Variants in PMF1 observed in about 807,000 individuals in gnomAD.
PMF1 encodes the protein polyamine-modulated factor 1.
In PMF1, 21 loss-of-function variants were observed where a neutral mutation model predicts 26.7. The observed-to-expected ratio is 0.79, with a 90% CI of 0.56 to 1.13. The LOEUF (loss-of-function observed/expected upper bound fraction) is 1.13, where lower values mean the gene tolerates loss of function less well. PMF1 is among the 50% of genes most tolerant of loss of function. The probability of loss-of-function intolerance (pLI) is 0.00; values close to 1 mark genes in which losing one functional copy is unlikely to be tolerated. For missense variants in PMF1, 266 were observed against 254.9 expected (o/e 1.04, Z -0.30); for synonymous variants, 105 against 101.0 (o/e 1.04, Z -0.24).
chr1:156,217,597 C>T (rs1657841342), intron 1 of PMF1, among the ~76,000 whole-genome samples: 1 of 151,938 alleles, frequency 6.6e-6, no homozygotes, highest in Non-Finnish European at 1.5e-5. Flanking sequence ...GTCATAATGC[C>T]CACCAGTAAT....
intron 1 of PMF1, among the ~76,000 whole-genome samples, chr1:156,222,433 A>G (rs1337620196): frequency 1.3e-5 from 2 of 151,890 alleles, no homozygotes; most frequent in Non-Finnish European, 2.9e-5. Context: ...CCCAGGCTGG[A>G]GTGCAATGGC....
At chr1:156,216,896 T>C (rs1657781858) in intron 1 of PMF1, among the ~76,000 whole-genome samples, 1 of 151,986 alleles carries the variant, frequency 6.6e-6, no homozygotes, top group Non-Finnish European at 1.5e-5. Context: ...TGGAATACTA[T>C]GCAGCCATAA....
chr1:156,221,912 C>G (rs771138211), intron 1 of PMF1, among the ~76,000 whole-genome samples: 1 of 152,208 alleles, frequency 6.6e-6, no homozygotes, highest in Non-Finnish European at 1.5e-5. Flanking sequence ...CTCCTCCTTT[C>G]CATCCTTGCT....
chr1:156,218,501 G>T (rs1657899280), intron 1 of PMF1, among the ~76,000 whole-genome samples: 1 of 152,112 alleles, frequency 6.6e-6, no homozygotes, highest in Non-Finnish European at 1.5e-5. Context: ...CCAGATATAG[G>T]CCAGGCGCAG....
chr1:156,238,593 C>T (rs1037863865), intron 4 of PMF1, among the ~76,000 whole-genome samples: 3 of 152,248 alleles, frequency 2.0e-5, no homozygotes, highest in Non-Finnish European at 4.4e-5. Flanking sequence ...TGTACATCTA[C>T]TTATAGCCAC....
In PMF1 at chr1:156,218,915, A is replaced by AT. The variant is rs146823803; in HGVS notation, c.161+5748dup. ...CTTTTGGGGTCTTGTTTATTTTTTTATTTTTTTTTAATTATTATTTTTTGA... is the reference window on the plus strand; with the variant it reads ...CTTTTGGGGTCTTGTTTATTTTTTTATTTTTTTTTTAATTATTATTTTTTGA... On this transcript the variant is annotated intron_variant, in intron 1 of 4. Transcript: ENST00000368277. Among the ~76,000 whole-genome samples the AT allele has an allele frequency of 2.1e-3, 292 of 142,064 alleles. No homozygotes were observed. In the South Asian group the frequency reaches 0.024, roughly 12 times the overall value. The allele number at this position is 142,064 out of a possible 152,430, so 93.2% of individuals were successfully genotyped here.
chr1:156,230,800 C>G (rs1443317540), intron 1 of PMF1, among the ~76,000 whole-genome samples: 1 of 152,066 alleles, frequency 6.6e-6, no homozygotes, highest in Non-Finnish European at 1.5e-5. Context: ...GATGGCTCAC[C>G]CCTAGACTCC....
chr1:156,236,676 C>T, intron 4 of PMF1, 193 bp downstream of exon 4: 1 of 710,032 alleles, frequency 1.4e-6, no homozygotes, highest in Non-Finnish European at 2.3e-6. Context: ...CAGACAGTCT[C>T]CCCCAGATCC....
intron 1 of PMF1, among the ~76,000 whole-genome samples, chr1:156,219,119 A>G (rs909050568): frequency 1.3e-5 from 2 of 151,482 alleles, no homozygotes; most frequent in Non-Finnish European, 1.5e-5. Context: ...GGGTTTCACC[A>G]TTTTGGCCAG....
chr1:156,237,980 CT>C, intron 4 of PMF1, among the ~76,000 whole-genome samples: 1 of 152,166 alleles, frequency 6.6e-6, no homozygotes, highest in Non-Finnish European at 1.5e-5. Context: ...GTTGGCCAGG[CT>C]GGTCTTGAAC....
At chr1:156,215,941 G>A (rs931179074) in intron 1 of PMF1, among the ~76,000 whole-genome samples, 1 of 151,998 alleles carries the variant, frequency 6.6e-6, no homozygotes, top group Non-Finnish European at 1.5e-5. Flanking sequence ...CGCCTGCCTC[G>A]GCCACTTATT....
At chr1:156,213,831 T>C (rs1372345706) in intron 1 of PMF1, among the ~76,000 whole-genome samples, 1 of 152,228 alleles carries the variant, frequency 6.6e-6, no homozygotes, top group African/African-American at 2.4e-5. Context: ...TATGAGAATA[T>C]CTTCTTCACT....
intron 1 of PMF1, among the ~76,000 whole-genome samples, chr1:156,222,703 G>A (rs1049817426): frequency 2.0e-5 from 3 of 152,148 alleles, no homozygotes; most frequent in Non-Finnish European, 4.4e-5. Context: ...TTTAAGTAGA[G>A]ACGGGGTTTC....
rs1258650400 is a variant in PMF1 at position 156,232,388 on chromosome 1, A to G, written c.230A>G (p.Tyr77Cys). 1.2e-6 allele frequency: 2 copies of G among 1,613,916 alleles called. No individual in the cohort carries two copies. The highest frequency in any genetic ancestry group is 1.7e-5 in the Admixed American group (1 of 59,984). ...CAGCCTGCGATGACACAGCAAATCTATGACAAGTTTATAGCTCAGTTGCAG... is the reference window on the plus strand; with the variant it reads ...CAGCCTGCGATGACACAGCAAATCTGTGACAAGTTTATAGCTCAGTTGCAG... ...QLQPAMTQQI[Y>C]DKFIAQLQTS... Residue 77 changes from tyrosine (Y) to cysteine (C), a missense_variant, in exon 2 of 5, where the codon TAT becomes TGT. Physicochemically the swap from Tyr to Cys is radical, Grantham distance 194. Coordinates refer to ENST00000368277, the MANE Select transcript of PMF1 (RefSeq NM_007221.4).
intron 1 of PMF1, among the ~76,000 whole-genome samples, chr1:156,214,902 G>A (rs1325261312): frequency 6.7e-6 from 1 of 149,946 alleles, no homozygotes; most frequent in Non-Finnish European, 1.5e-5. Context: ...TTTTTAGGCA[G>A]TGTCTAGCTC....
intron 1 of PMF1, among the ~76,000 whole-genome samples, chr1:156,217,233 TAAAAAAAAAAAAGA>T (rs1657814471): frequency 1.0e-5 from 1 of 97,982 alleles, no homozygotes; most frequent in Non-Finnish European, 2.0e-5. Flanking sequence ...TAAAGTATAA[TAAAAAAAAAAAAGA>T]AAAAAAAAAA....
intron 1 of PMF1, among the ~76,000 whole-genome samples, chr1:156,230,250 G>A (rs1207124775): frequency 6.6e-6 from 1 of 152,210 alleles, no homozygotes; most frequent in African/African-American, 2.4e-5. Flanking sequence ...TTGTGTATTT[G>A]AAGATCTTCC....
intron 1 of PMF1, among the ~76,000 whole-genome samples, chr1:156,218,355 T>C (rs1572481031): frequency 6.6e-6 from 1 of 152,218 alleles, no homozygotes; most frequent in African/African-American, 2.4e-5. Context: ...ACATTTCAAC[T>C]GTTTCCATTT....
intron 1 of PMF1, among the ~76,000 whole-genome samples, chr1:156,229,709 T>C (rs550981231): frequency 6.6e-6 from 1 of 152,092 alleles, no homozygotes; most frequent in South Asian, 2.1e-4. Context: ...TAGCTGGGAT[T>C]ACAGGCGTGC....
Sources: gnomAD v4.1 joint callset for allele counts (sites outside exome capture counted in the v4.1 genomes callset) on GRCh38, gnomAD v4.1.1 for gene constraint, MANE v1.5 for transcripts, NCBI Gene and HGNC (gene_info 2026-07-23, HGNC 2026-07-21) for gene names.